MYO7B: variants seen among roughly 807,000 people sequenced by gnomAD.
MYO7B encodes unconventional myosin-VIIb.
MYO7B carries 212 observed loss-of-function variants against 259.7 expected under a neutral mutation model. The ratio of observed to expected loss-of-function variants is 0.82; its 90% CI spans 0.73 to 0.91. MYO7B has a LOEUF of 0.91. Among genes scored for constraint, MYO7B ranks in the 40% least tolerant of loss-of-function variants. MYO7B has a pLI of 0.00. For missense variants in MYO7B, 2,732 were observed against 2,813.5 expected, an observed-to-expected ratio of 0.97 and a Z score of 0.66; for synonymous variants, 1,197 against 1,166.4, an observed-to-expected ratio of 1.03 and a Z score of -0.54.
chr2:127,617,705 TG>T, intron 26 of MYO7B, among the ~76,000 whole-genome samples: 1 of 150,768 alleles, frequency 6.6e-6, no homozygotes, highest in Admixed American at 6.6e-5. Flanking sequence ...GGTTTCACCT[TG>T]TTAGCCAGGA....
intron 35 of MYO7B, 31 bp from the exon 36 acceptor site, chr2:127,630,747 C>T: frequency 6.2e-7 from 1 of 1,609,382 alleles, no homozygotes; most frequent in Non-Finnish European, 8.5e-7. Context: ...GCGGTGGCTC[C>T]TGGGCACCCA....
At chr2:127,596,600 C>T in intron 19 of MYO7B, 44 bp downstream of exon 19, 3 of 1,491,650 alleles carry the variant, frequency 2.0e-6, no homozygotes, top group Non-Finnish European at 1.8e-6. Context: ...CTCCTGCCCA[C>T]AGTGTCCCCA....
At chr2:127,581,020 C>T (rs1040470428) in intron 10 of MYO7B, among the ~76,000 whole-genome samples, 198 bp downstream of exon 10, 1 of 152,208 alleles carries the variant, frequency 6.6e-6, no homozygotes, top group African/African-American at 2.4e-5. Context: ...AACAGAGCGG[C>T]GGAATGGCCA....
At chr2:127,619,590 C>T (rs993089426) in intron 26 of MYO7B, among the ~76,000 whole-genome samples, 5 of 152,030 alleles carry the variant, frequency 3.3e-5, no homozygotes, top group African/African-American at 4.8e-5. Flanking sequence ...GATGTCGTGT[C>T]GCAGTTGACA....
chr2:127,566,943 C>T (rs1330899585), intron 5 of MYO7B, 116 bp downstream of exon 5: 3 of 1,099,144 alleles, frequency 2.7e-6, no homozygotes, highest in Non-Finnish European at 3.8e-6. Flanking sequence ...ACACACCCAT[C>T]TCCACAGCAC....
At position 127,631,208 on chromosome 2, in the gene MYO7B, C is replaced by A; in HGVS notation, c.4940C>A (p.Ala1647Asp). 6.3e-7 allele frequency: 1 copy of A among 1,597,192 alleles called. No individual in the cohort carries two copies. The highest frequency in any genetic ancestry group is 1.7e-5 in the Admixed American group (1 of 59,278). Residue 1647 changes from alanine to aspartate, a missense_variant and splice_region_variant, in exon 37 of 48, where the codon GCT (alanine) becomes GAT (aspartate). Ala to Asp is a moderately radical substitution (Grantham distance 126). Transcript: ENST00000409816. ...CACACCAGCCTCTAACCTCACAGGG[C>A]TCCAGAGAAGGACATGGTGAGCATG... ...LEEFSYEFFRAPEKDMVSMAV... is the reference protein window; with the variant it reads ...LEEFSYEFFRDPEKDMVSMAV...
intron 19 of MYO7B, among the ~76,000 whole-genome samples, chr2:127,601,992 G>A (rs1679977791): frequency 6.6e-6 from 1 of 152,066 alleles, no homozygotes; most frequent in Non-Finnish European, 1.5e-5. Flanking sequence ...TACATTTAAT[G>A]TAATTATTCA....
At chr2:127,599,667 C>T (rs1219589034) in intron 19 of MYO7B, among the ~76,000 whole-genome samples, 1 of 152,152 alleles carries the variant, frequency 6.6e-6, no homozygotes, top group African/African-American at 2.4e-5. Flanking sequence ...CATTGATGCC[C>T]TTTCTCAAGT....
chr2:127,571,441 A>AGTTTTTTT lies in MYO7B; in HGVS notation c.592+1532_592+1539dup, dbSNP rs1553448460. Among the ~76,000 whole-genome samples, 84 of 17,628 alleles carry AGTTTTTTT rather than the reference A, an allele frequency of 4.8e-3. 1 individual carries two copies. The highest frequency in any genetic ancestry group is 0.018 in the African/African-American group (79 of 4,490). 11.6% of individuals were successfully genotyped at this position (17,628 alleles called of 152,430 possible). On this transcript the variant is annotated intron_variant, in intron 6 of 47. Coordinates refer to ENST00000409816, the MANE Select transcript of MYO7B (RefSeq NM_001393586.1). ...TAATTGGTCTATTTCCTTACCAGTG[A>AGTTTTTTT]GTTTTTTTTTTTTTTTTTGCTTGTT...
chr2:127,568,725 C>T lies in MYO7B; in HGVS notation c.471-1064C>T, dbSNP rs553252298. Among the ~76,000 whole-genome samples, 595 of 149,922 alleles carry T rather than the reference C, an allele frequency of 4.0e-3. 8 individuals are homozygous for T. In the South Asian group the frequency reaches 0.043, roughly 11 times the overall value. On this transcript the variant is annotated intron_variant, in intron 5 of 47. Coordinates refer to ENST00000409816, the MANE Select transcript of MYO7B (RefSeq NM_001393586.1). ...CAGCCTGGCCAACATGGTGAAACCC[C>T]GTCTCTACTAAAAATATAAAAATTA...
Position 127,636,224 on chromosome 2 carries a change from A to C in MYO7B, c.6023A>C (p.Tyr2008Ser). The C allele has an allele frequency of 6.2e-7, 1 of 1,613,046 alleles. No individual in the cohort carries two copies. Among genetic ancestry groups the C allele is most frequent in the African/African-American group, 1.3e-5 (1 of 75,020 alleles). ...EEWKKSILLA[Y>S]DKHKDKTVEE... ...GTCCCCCAGAGCATCCTTCTAGCCT[A>C]TGACAAGCATAAGGACAAGACAGTG... The change falls in exon 45 of 48, where the codon TAT becomes TCT. Residue 2008 changes from tyrosine (Y) to serine (S), a missense_variant. This residue lies in a region of MYO7B where 821 missense variants were observed against 769.3 expected (regional missense o/e 1.07). Coordinates refer to ENST00000409816, the MANE Select transcript of MYO7B (RefSeq NM_001393586.1). This position sits in a 1 kb window ranked among gnomAD's most constrained non-coding sequence, Gnocchi z 4.5.
In MYO7B at chr2:127,631,648, C is replaced by T; in HGVS notation, c.5144C>T (p.Thr1715Ile). Residue 1715 changes from threonine (T) to isoleucine (I), a missense_variant, in exon 38 of 48, where the codon ACC becomes ATC. By Grantham distance (89) the Thr-to-Ile change is moderately conservative. Around this residue, in one of 3 missense-constraint regions of MYO7B, gnomAD observed 821 missense variants for 769.3 expected, o/e 1.07. Transcript: ENST00000409816. ...TACCCTTCTCGGCAGGCCTGGCCCACCCTGGAGCTCACCGACCAGATCTTC... is the reference window on the plus strand; with the variant it reads ...TACCCTTCTCGGCAGGCCTGGCCCATCCTGGAGCTCACCGACCAGATCTTC... ...GDYPSRQAWP[T>I]LELTDQIFTL... 6.2e-7 allele frequency: 1 copy of T among 1,613,090 alleles called. No individual in the cohort carries two copies. The highest frequency in any genetic ancestry group is 8.5e-7 in the Non-Finnish European group (1 of 1,179,862).
chr2:127,627,911 C>T lies in MYO7B; in HGVS notation c.4461-461C>T. The stretch of plus-strand genomic sequence containing the variant: ...CCAGGTGTACAGTGGCCACCACTCC[C>T]CACTGGCCACCTCTCACTGAGGCTG... On this transcript the variant is annotated intron_variant, in intron 33 of 47. Transcript: ENST00000409816. This position sits in a 1 kb window ranked among gnomAD's most constrained non-coding sequence, Gnocchi z 5.6. 2.2e-6 allele frequency: 1 copy of T among 459,776 alleles called. No homozygotes were observed. Among genetic ancestry groups the T allele is most frequent in the South Asian group, 1.5e-5 (1 of 64,596 alleles). The allele number at this position is 459,776 out of a possible 1,614,324, so 28.5% of individuals were successfully genotyped here.
chr2:127,561,577 G>A (rs1678088273), intron 2 of MYO7B, among the ~76,000 whole-genome samples: 1 of 152,212 alleles, frequency 6.6e-6, no homozygotes, highest in Non-Finnish European at 1.5e-5. Flanking sequence ...GGCCCATGTG[G>A]TTGTTGAGCC....
rs369735300 is a variant in MYO7B, at chr2:127,633,248, T to TC, written c.5406-5dup. ...GGGGTGGCACCTGCAGCACACGCTG[T>TC]CCCCCTCAGGACGGGGCCCCGGAAG... On this transcript the variant is annotated splice_polypyrimidine_tract_variant and intron_variant, in intron 39 of 47. Coordinates refer to ENST00000409816, the MANE Select transcript of MYO7B (RefSeq NM_001393586.1). 801 of 1,601,142 alleles carry TC rather than the reference T, an allele frequency of 5.0e-4. 5 individuals carry two copies. The African/African-American group carries it at 8.7e-3, about 17-fold the overall frequency.
chr2:127,558,929 T>C (rs1422011188), intron 1 of MYO7B, among the ~76,000 whole-genome samples: 1 of 152,120 alleles, frequency 6.6e-6, no homozygotes, highest in Non-Finnish European at 1.5e-5. Context: ...AGACTACAAA[T>C]TGGGTTCCAT....
Position 127,578,274 on chromosome 2 carries a change from G to C in MYO7B, c.991G>C (p.Val331Leu). 6.2e-7 allele frequency: 1 copy of C among 1,613,730 alleles called. No homozygotes were observed. The highest frequency in any genetic ancestry group is 1.3e-5 in the African/African-American group (1 of 75,004). Reference protein sequence around the residue: ...LLAAILHLGNVGFMASVFENL... With the variant: ...LLAAILHLGNLGFMASVFENL... ...GGCTGCCATTCTCCACCTGGGGAATGTGGGGTTCATGGGTAATGCCGGTTC... is the reference window on the plus strand; with the variant it reads ...GGCTGCCATTCTCCACCTGGGGAATCTGGGGTTCATGGGTAATGCCGGTTC... The change falls in exon 9 of 48, where the codon GTG (valine) becomes CTG (leucine). Residue 331 changes from valine (V) to leucine (L), a missense_variant. By Grantham distance (32) the Val-to-Leu change is conservative. This residue lies in a region of MYO7B where 1,906 missense variants were observed against 2,026.4 expected (regional missense o/e 0.94). Transcript: ENST00000409816.
chr2:127,573,855 G>T, intron 6 of MYO7B, 65 bp from the exon 7 acceptor site: 1 of 1,595,178 alleles, frequency 6.3e-7, no homozygotes, highest in Non-Finnish European at 8.6e-7. Context: ...CCTCTTACAT[G>T]ATCCCACTCA....
At position 127,625,430 on chromosome 2, in the gene MYO7B, G is replaced by GAGC; in HGVS notation, c.4112_4114dup (p.Ser1371dup). ...ACGTGCAGCTCGGCGCCTCAGCAGA[G>GAGC]AGCAAGGCTGTCCAGGAGCTGCTGC... On this transcript the variant is annotated inframe_insertion, in exon 31 of 48. Transcript: ENST00000409816. 1.2e-6 allele frequency: 2 copies of GAGC among 1,611,488 alleles called. No homozygotes were observed. Among genetic ancestry groups the GAGC allele is most frequent in the East Asian group, 4.5e-5 (2 of 44,834 alleles).
Sources: allele counts gnomAD v4.1 joint callset (sites outside exome capture counted in the v4.1 genomes callset), GRCh38; gene constraint gnomAD v4.1.1; regional missense constraint gnomAD v4.1.1; non-coding constraint Gnocchi (gnomAD v3.1); transcripts MANE v1.5; gene names NCBI Gene and HGNC (gene_info 2026-07-23, HGNC 2026-07-21).